The following HEMK1 variants were observed in gnomAD, a reference collection of about 807,000 sequenced individuals.
HEMK1 encodes the protein HemK methyltransferase 1, mitochondrial release factors N(5)-glutamine.
Under a neutral mutation model 47.9 loss-of-function variants are expected in HEMK1, and 36 were observed. That is an observed-to-expected ratio of 0.75 (90% confidence interval 0.58 to 0.99). The LOEUF (loss-of-function observed/expected upper bound fraction) is 0.99, where lower values mean the gene tolerates loss of function less well. Among genes scored for constraint, HEMK1 ranks in the 50% least tolerant of loss-of-function variants. The probability of loss-of-function intolerance (pLI) is 0.00; values close to 1 mark genes in which losing one functional copy is unlikely to be tolerated. For synonymous variants in HEMK1, 153 were observed against 165.4 expected (o/e 0.93, Z 0.57); for missense variants, 383 against 434.5 (o/e 0.88, Z 1.05).
chr3:50,572,457 T>G (rs1021019745), intron 4 of HEMK1, among the ~76,000 whole-genome samples: 1 of 152,212 alleles, frequency 6.6e-6, no homozygotes, highest in Non-Finnish European at 1.5e-5. Flanking sequence ...CCAGAGTGCC[T>G]CAAATAGTGC....
At chr3:50,577,001 C>T in intron 4 of HEMK1, 51 bp from the exon 5 acceptor site, 1 of 1,609,472 alleles carries the variant, frequency 6.2e-7, no homozygotes, top group Non-Finnish European at 8.5e-7. Flanking sequence ...TACCAAGACC[C>T]CCAGGAGCCA....
In HEMK1 at chr3:50,579,856, C is replaced by T. The variant is rs373032925; in HGVS notation, c.783C>T (p.Pro261=). 51 of 1,613,366 alleles carry T rather than the reference C, an allele frequency of 3.2e-5. No homozygotes were observed. The highest frequency in any genetic ancestry group is 5.0e-5 in the Admixed American group (3 of 59,940). The change falls in exon 9 of 11, where the codon CCC becomes CCT. Residue 261 remains proline, a synonymous_variant. Coordinates refer to ENST00000232854, the MANE Select transcript of HEMK1 (RefSeq NM_016173.5). The stretch of plus-strand genomic sequence containing the variant: ...CTTTGCCTTTCAGCTATGAAGACCC[C>T]GCGGCCCTGGATGGTGGGGAGGAGG... The part of the protein sequence containing the change: ...LAPEIRSYED[P]AALDGGEEGM...
rs2030583144 is a variant in HEMK1, at chr3:50,580,215, G to A, written c.966G>A (p.Arg322=). The change falls in exon 10 of 11, where the codon AGG becomes AGA. Residue 322 remains arginine, a synonymous_variant. Transcript: ENST00000232854. ...DLYLNLVAVR[R]DFCGRPRFLH... is the part of the protein sequence containing the mutation. ...ACCTTAATCTTGTGGCTGTGCGCAG[G>A]GACTTCTGTGGGAGGTAAGATCCTA... 6.2e-7 allele frequency: 1 copy of A among 1,613,970 alleles called. No individual in the cohort carries two copies.
chr3:50,577,990 C>T, intron 7 of HEMK1, 115 bp downstream of exon 7: 1 of 887,028 alleles, frequency 1.1e-6, no homozygotes. Context: ...CACAGCCACA[C>T]ACAACACACA....
intron 2 of HEMK1, 60 bp from the exon 3 acceptor site, chr3:50,571,650 C>A: frequency 1.4e-6 from 2 of 1,474,648 alleles, no homozygotes; most frequent in Non-Finnish European, 1.9e-6. Flanking sequence ...CCACATAAGA[C>A]ACCTGGGTTG....
chr3:50,580,738 A>G lies in HEMK1; in HGVS notation c.*321A>G, dbSNP rs1357942417. 4.8e-6 allele frequency: 2 copies of G among 414,156 alleles called. No homozygotes were observed. The highest frequency in any genetic ancestry group is 8.3e-5 in the Admixed American group (2 of 24,114). The allele number at this position is 414,156 out of a possible 1,614,324, so 25.7% of individuals were successfully genotyped here. ...CCTGACCCCCTTACTCCCAGGTAGC[A>G]CTGGGGCAAGGGTTTCCTTCTGCCC... is the stretch of plus-strand genomic sequence containing the variant. On this transcript the variant is annotated 3_prime_UTR_variant, in exon 11 of 11. Coordinates refer to ENST00000232854, the MANE Select transcript of HEMK1 (RefSeq NM_016173.5).
In HEMK1 at chr3:50,581,202, G is replaced by A. The variant is rs3903186; in HGVS notation, c.*785G>A. The A allele has an allele frequency of 6.6e-6, 1 of 152,354 alleles. No individual in the cohort carries two copies. The highest frequency in any genetic ancestry group is 1.5e-5 in the Non-Finnish European group (1 of 68,154). The allele number at this position is 152,354 out of a possible 1,614,324, so 9.4% of individuals were successfully genotyped here. On this transcript the variant is annotated 3_prime_UTR_variant, in exon 11 of 11. Coordinates refer to ENST00000232854, the MANE Select transcript of HEMK1 (RefSeq NM_016173.5). ...TGGTTGGGGCTGGGGAGAGTGAGAA[G>A]CTGAGATACTGGGCACAGGGTTGTG...
chr3:50,569,799 C>T (rs1700701590), intron 1 of HEMK1: 1 of 152,262 alleles, frequency 6.6e-6, no homozygotes, highest in South Asian at 2.1e-4. Flanking sequence ...CTTCTGGAGT[C>T]TGGTGGACTC....
intron 7 of HEMK1, 78 bp from the exon 8 acceptor site, chr3:50,578,743 C>T: frequency 2.1e-6 from 2 of 933,138 alleles, no homozygotes; most frequent in East Asian, 5.3e-5. Flanking sequence ...GTGAGAGGGA[C>T]ATGGTGGCAG....
chr3:50,573,687 A>AT (rs1250768395), intron 4 of HEMK1, among the ~76,000 whole-genome samples: 1 of 152,348 alleles, frequency 6.6e-6, no homozygotes, highest in African/African-American at 2.4e-5. Context: ...GTAAAGCCAC[A>AT]TCGGGGGATG....
chr3:50,579,791 C>T, intron 8 of HEMK1, 53 bp from the exon 9 acceptor site: 1 of 1,329,554 alleles, frequency 7.5e-7, no homozygotes, highest in South Asian at 1.2e-5. Flanking sequence ...GCCCTCCATG[C>T]ATTTCAGATA....
Position 50,577,103 on chromosome 3 carries a change from G to C in HEMK1, c.466G>C (p.Gly156Arg). The C allele has an allele frequency of 6.2e-7, 1 of 1,613,942 alleles. No individual in the cohort carries two copies. ...EEVAQRSHAVGSPGSPLILEV... is the reference protein window; with the variant it reads ...EEVAQRSHAVRSPGSPLILEV... ...GGTGGCCCAGAGGTCCCATGCTGTGGGATCCCCAGGCAGCCCCCTCATTCT... is the reference window on the plus strand; with the variant it reads ...GGTGGCCCAGAGGTCCCATGCTGTGCGATCCCCAGGCAGCCCCCTCATTCT... Residue 156 changes from glycine (G) to arginine (R), a missense_variant, in exon 5 of 11, where the codon GGA (glycine) becomes CGA (arginine). Coordinates refer to ENST00000232854, the MANE Select transcript of HEMK1 (RefSeq NM_016173.5).
rs1283452199 is a variant in HEMK1 at position 50,594,596 on chromosome 3, G to A, written c.*14179G>A. ...CAGAGTAGTTGCAATGGTGAGCTGA[G>A]GTTTTCTCTGCTGCAGAGGCCAGGT... On this transcript the variant is annotated 3_prime_UTR_variant, in exon 11 of 11. Coordinates refer to ENST00000232854, the MANE Select transcript of HEMK1 (RefSeq NM_016173.5). 1.3e-5 allele frequency: 2 copies of A among 152,326 alleles called. No homozygotes were observed. The highest frequency in any genetic ancestry group is 2.9e-5 in the Non-Finnish European group (2 of 68,120). The allele number at this position is 152,326 out of a possible 1,614,324, so 9.4% of individuals were successfully genotyped here. A position where few individuals can be genotyped will look rare whatever the true frequency, so the allele number is the denominator to read the frequency against.
intron 6 of HEMK1, 99 bp downstream of exon 6, chr3:50,577,672 TG>T: frequency 7.2e-7 from 1 of 1,395,184 alleles, no homozygotes; most frequent in Non-Finnish European, 1.0e-6. Context: ...GAGGAAGCAG[TG>T]GGGTAGCCTG....
chr3:50,593,825 G>A lies in HEMK1; in HGVS notation c.*13408G>A, dbSNP rs1454424906. ...GTGGCGCGATCTCCCAGGTTCAAGCGATTCTCTTGGCTCAGCCTCCCGAGT... is the reference window on the plus strand; with the variant it reads ...GTGGCGCGATCTCCCAGGTTCAAGCAATTCTCTTGGCTCAGCCTCCCGAGT... On this transcript the variant is annotated 3_prime_UTR_variant, in exon 11 of 11. Coordinates refer to ENST00000232854, the MANE Select transcript of HEMK1 (RefSeq NM_016173.5). The A allele has an allele frequency of 4.0e-5, 6 of 151,306 alleles. No individual in the cohort carries two copies. In the South Asian group the frequency reaches 1.0e-3, roughly 26 times the overall value. 9.4% of individuals were successfully genotyped at this position (151,306 alleles called of 1,614,324 possible). A position where few individuals can be genotyped will look rare whatever the true frequency, so the allele number is the denominator to read the frequency against.
chr3:50,578,426 A>G (rs992692168), intron 7 of HEMK1, among the ~76,000 whole-genome samples: 1 of 152,214 alleles, frequency 6.6e-6, no homozygotes, highest in African/African-American at 2.4e-5. Flanking sequence ...GCCATCAGGA[A>G]TTGGCTGATG....
In HEMK1 at chr3:50,583,358, CA is replaced by C. The variant is rs2031037215; in HGVS notation, c.*2943del. 6.6e-6 allele frequency: 1 copy of C among 152,212 alleles called. No individual in the cohort carries two copies. The highest frequency in any genetic ancestry group is 2.4e-5 in the African/African-American group (1 of 41,442). 9.4% of individuals were successfully genotyped at this position (152,212 alleles called of 1,614,324 possible). ...TGGACCCTGGGCTATTGGCTGCTCC[CA>C]ATCCTTGCCCCAAACACTTAGCTGG... is the stretch of plus-strand genomic sequence containing the variant. On this transcript the variant is annotated 3_prime_UTR_variant, in exon 11 of 11. Transcript: ENST00000232854.
chr3:50,572,060 G>A (rs752525329), intron 3 of HEMK1, 55 bp from the exon 4 acceptor site: 7 of 1,609,272 alleles, frequency 4.3e-6, no homozygotes, highest in Non-Finnish European at 5.9e-6. Flanking sequence ...ACCCAGGCAT[G>A]GTCCTGTTGG....
At position 50,590,495 on chromosome 3, in the gene HEMK1, G is replaced by T. The variant is rs2031662950; in HGVS notation, c.*10078G>T. On this transcript the variant is annotated 3_prime_UTR_variant, in exon 11 of 11. Transcript: ENST00000232854. ...CGCTTGAACCCGGAAGGCGGAGGTTGCAGTGAGCTGAGATCACCTCACTAC... is the reference window on the plus strand; with the variant it reads ...CGCTTGAACCCGGAAGGCGGAGGTTTCAGTGAGCTGAGATCACCTCACTAC... 1 of 151,848 alleles carries T rather than the reference G, an allele frequency of 6.6e-6. No homozygotes were observed. Among genetic ancestry groups the T allele is most frequent in the Non-Finnish European group, 1.5e-5 (1 of 68,114 alleles). 9.4% of individuals were successfully genotyped at this position (151,848 alleles called of 1,614,324 possible).
Sources: gnomAD v4.1 joint callset for allele counts (sites outside exome capture counted in the v4.1 genomes callset) on GRCh38, gnomAD v4.1.1 for gene constraint, MANE v1.5 for transcripts, NCBI Gene and HGNC (gene_info 2026-07-23, HGNC 2026-07-21) for gene names.